The following PDE1A variants were observed in gnomAD, a reference collection of about 807,000 sequenced individuals.
The protein encoded by PDE1A is dual specificity calcium/calmodulin-dependent 3',5'-cyclic nucleotide phosphodiesterase 1A.
In PDE1A, 35 loss-of-function variants were observed where a neutral mutation model predicts 61.7. The observed-to-expected ratio is 0.57, with a 90% CI of 0.43 to 0.75. The LOEUF is 0.75. PDE1A is among the 30% of genes least tolerant of loss of function. The pLI, the probability that PDE1A is intolerant of heterozygous loss-of-function variation, is 0.00. For synonymous variants in PDE1A, 232 were observed against 213.2 expected (o/e 1.09, Z -0.77); for missense variants, 597 against 630.6 (o/e 0.95, Z 0.57).
At chr2:182,595,159 G>T in the PDE1A span, among the ~76,000 whole-genome samples, 1 of 152,090 alleles carries the variant, frequency 6.6e-6, no homozygotes, top group Non-Finnish European at 1.5e-5. Context: ...TGTTCTCAGG[G>T]ATTAGACATA....
chr2:182,181,010 C>T (rs565632819), intron 13 of PDE1A, among the ~76,000 whole-genome samples: 176 of 152,026 alleles, frequency 1.2e-3, no homozygotes, highest in Non-Finnish European at 2.1e-3. Context: ...ATGTTCTTAG[C>T]TTCTTTGCAT....
chr2:182,456,122 A>C (rs1685902532), intron 2 of PDE1A, among the ~76,000 whole-genome samples: 1 of 152,108 alleles, frequency 6.6e-6, no homozygotes, highest in Non-Finnish European at 1.5e-5. Context: ...CCAACTAGTC[A>C]TCAGGGTTAC....
At chr2:182,281,387 G>A (rs991466690) in intron 1 of PDE1A, among the ~76,000 whole-genome samples, 1 of 152,014 alleles carries the variant, frequency 6.6e-6, no homozygotes, top group Middle Eastern at 3.4e-3. Context: ...CAAAGAAACT[G>A]CTTAAAACAA....
At chr2:182,249,446 G>C (rs958952736) in intron 2 of PDE1A, among the ~76,000 whole-genome samples, 1 of 152,068 alleles carries the variant, frequency 6.6e-6, no homozygotes, top group East Asian at 1.9e-4. Context: ...GCAAACCATG[G>C]GGAGAGGAAC....
At chr2:182,402,590 GCAA>G in intron 1 of PDE1A, among the ~76,000 whole-genome samples, 1 of 152,120 alleles carries the variant, frequency 6.6e-6, no homozygotes, top group Admixed American at 6.5e-5. Flanking sequence ...GAAAACCTAG[GCAA>G]TACCATTCAG....
intron 12 of PDE1A, 109 bp from the exon 13 acceptor site, chr2:182,186,188 T>C: frequency 8.6e-7 from 1 of 1,162,818 alleles, no homozygotes; most frequent in Non-Finnish European, 1.2e-6. Flanking sequence ...TAGTAGATGC[T>C]CAGTCCCAGT....
intron 7 of PDE1A, among the ~76,000 whole-genome samples, chr2:182,221,591 C>G (rs6740676): frequency 3.2e-4 from 48 of 152,172 alleles, no homozygotes; most frequent in African/African-American, 9.4e-4. Flanking sequence ...CTCTGGGACC[C>G]TGGGGTTTCC....
chr2:182,205,302 C>A (rs1272985940), intron 8 of PDE1A, among the ~76,000 whole-genome samples: 2 of 152,018 alleles, frequency 1.3e-5, no homozygotes, highest in South Asian at 2.1e-4. Flanking sequence ...GTCCAGCAAC[C>A]CTATTGTCAA....
At chr2:182,679,596 AATAAG>A in the PDE1A span, among the ~76,000 whole-genome samples, 1 of 152,154 alleles carries the variant, frequency 6.6e-6, no homozygotes, top group African/African-American at 2.4e-5. Flanking sequence ...GTCAATTACA[AATAAG>A]ATAAAACTTT....
chr2:182,585,864 A>T, the PDE1A span, among the ~76,000 whole-genome samples: 1 of 152,202 alleles, frequency 6.6e-6, no homozygotes, highest in East Asian at 1.9e-4. Context: ...CTTGTTTACT[A>T]ATTGGTCCCA....
At chr2:182,305,851 T>A (rs915346410) in intron 1 of PDE1A, among the ~76,000 whole-genome samples, 1 of 152,112 alleles carries the variant, frequency 6.6e-6, no homozygotes, top group Non-Finnish European at 1.5e-5. Flanking sequence ...CTAATTAACA[T>A]ATCCATCACC....
the PDE1A span, among the ~76,000 whole-genome samples, chr2:182,646,285 TAAAAATACATTAAAA>T: frequency 8.2e-5 from 11 of 134,646 alleles, no homozygotes; most frequent in Admixed American, 4.1e-4. Context: ...CTGTCTTTAC[TAAAAATACATTAAAA>T]AAAAAAATGG....
At chr2:182,592,580 C>G in the PDE1A span, among the ~76,000 whole-genome samples, 2 of 152,102 alleles carry the variant, frequency 1.3e-5, no homozygotes, top group Non-Finnish European at 2.9e-5. Flanking sequence ...TGACAAAAGA[C>G]AGCTACTCCC....
At chr2:182,198,600 A>T (rs1336091109) in intron 10 of PDE1A, among the ~76,000 whole-genome samples, 1 of 151,318 alleles carries the variant, frequency 6.6e-6, no homozygotes, top group East Asian at 1.9e-4. Context: ...GATAATTAAT[A>T]TATTTTTTCC....
intron 1 of PDE1A, among the ~76,000 whole-genome samples, chr2:182,405,895 T>C (rs1702271753): frequency 6.6e-6 from 1 of 152,046 alleles, no homozygotes; most frequent in Admixed American, 6.6e-5. Context: ...CAATTATCAT[T>C]TGTCAACTAA....
chr2:182,273,342 C>T (rs2125824172), intron 1 of PDE1A, among the ~76,000 whole-genome samples: 1 of 151,908 alleles, frequency 6.6e-6, no homozygotes, highest in Admixed American at 6.6e-5. Flanking sequence ...TGTCAAAATT[C>T]ATCTTGAATT....
intron 7 of PDE1A, among the ~76,000 whole-genome samples, chr2:182,212,863 C>A (rs947799761): frequency 1.1e-4 from 16 of 152,320 alleles, no homozygotes; most frequent in African/African-American, 3.4e-4. Context: ...ATTGCCCAGC[C>A]TTGATTAGGT....
intron 10 of PDE1A, among the ~76,000 whole-genome samples, chr2:182,191,161 G>C (rs1685654580): frequency 1.3e-5 from 2 of 152,024 alleles, no homozygotes; most frequent in Non-Finnish European, 2.9e-5. Context: ...TGACAAGAAA[G>C]GATTTCCACT....
upstream of PDE1A, among the ~76,000 whole-genome samples, chr2:182,526,155 A>G (rs1465550774): frequency 6.6e-6 from 1 of 152,194 alleles, no homozygotes. Flanking sequence ...TTTCACTGAC[A>G]AGAAAATAAT....
Sources: gnomAD v4.1 joint callset for allele counts (sites outside exome capture counted in the v4.1 genomes callset) on GRCh38, gnomAD v4.1.1 for gene constraint, MANE v1.5 for transcripts, NCBI Gene and HGNC (gene_info 2026-07-23, HGNC 2026-07-21) for gene names.